Variants in TMIGD3 observed in about 807,000 individuals in gnomAD.
TMIGD3 encodes the protein transmembrane and immunoglobulin domain containing 3, also known as AD026 protein (AD026).
A neutral mutation model predicts 28.1 loss-of-function variants in TMIGD3; 21 were observed. That is an observed-to-expected ratio of 0.75 (90% CI 0.53 to 1.08). The LOEUF (loss-of-function observed/expected upper bound fraction) is 1.08. Among genes scored for constraint, TMIGD3 ranks in the 50% least tolerant of loss-of-function variants. The pLI, the probability that TMIGD3 is intolerant of heterozygous loss-of-function variation, is 0.00. For synonymous variants in TMIGD3, 151 were observed against 162.1 expected (o/e 0.93, Z 0.52); for missense variants, 416 against 435.6 (o/e 0.96, Z 0.40).
At chr1:111,488,026 A>G (rs1654468041) in intron 3 of TMIGD3, among the ~76,000 whole-genome samples, 1 of 152,012 alleles carries the variant, frequency 6.6e-6, no homozygotes, top group Non-Finnish European at 1.5e-5. Context: ...GCTGGTCTTA[A>G]ACTCCTGGGC....
At chr1:111,514,772 A>G (rs973709403) in intron 1 of TMIGD3, among the ~76,000 whole-genome samples, 11 of 152,112 alleles carry the variant, frequency 7.2e-5, no homozygotes, top group Non-Finnish European at 1.3e-4. Flanking sequence ...CAATAATGGT[A>G]ACACTCCAGG....
intron 1 of TMIGD3, among the ~76,000 whole-genome samples, chr1:111,512,154 C>G (rs746647059): frequency 1.8e-4 from 27 of 152,376 alleles, no homozygotes; most frequent in Non-Finnish European, 3.8e-4. Context: ...CATCACTGCA[C>G]TTGCCCTTTG....
At chr1:111,516,340 T>C (rs927331820) in intron 1 of TMIGD3, among the ~76,000 whole-genome samples, 3 of 152,178 alleles carry the variant, frequency 2.0e-5, no homozygotes, top group African/African-American at 7.2e-5. Context: ...CTGATGGTGA[T>C]GGCTCAGGGC....
chr1:111,518,329 T>A (rs2154024), intron 1 of TMIGD3, among the ~76,000 whole-genome samples: 38,432 of 152,150 alleles, frequency 0.25, 6,072 homozygotes, highest in Non-Finnish European at 0.35. Flanking sequence ...ACATTATCTC[T>A]AAACCAGGGT....
At chr1:111,485,956 G>T in intron 4 of TMIGD3, 116 bp from the exon 5 acceptor site, 1 of 702,694 alleles carries the variant, frequency 1.4e-6, no homozygotes, top group Non-Finnish European at 2.4e-6. Context: ...CCCAGTTACA[G>T]TAGCTTCTGG....
At chr1:111,497,744 T>C (rs1654961790) in intron 1 of TMIGD3, among the ~76,000 whole-genome samples, 2 of 152,288 alleles carry the variant, frequency 1.3e-5, no homozygotes, top group African/African-American at 4.8e-5. Flanking sequence ...AAGCTAAGGA[T>C]ACCAAATGAC....
intron 1 of TMIGD3, among the ~76,000 whole-genome samples, chr1:111,535,350 G>A (rs575597260): frequency 1.5e-4 from 23 of 152,250 alleles, no homozygotes; most frequent in Non-Finnish European, 3.1e-4. Context: ...ATACATATAC[G>A]TATCACTCTA....
At chr1:111,557,837 T>C (rs1657564783) in intron 1 of TMIGD3, among the ~76,000 whole-genome samples, 1 of 152,156 alleles carries the variant, frequency 6.6e-6, no homozygotes, top group Non-Finnish European at 1.5e-5. Flanking sequence ...AGTGACAGCA[T>C]AAAAATTGGG....
upstream of TMIGD3, among the ~76,000 whole-genome samples, chr1:111,506,437 T>C (rs1655491610): frequency 2.6e-5 from 4 of 152,212 alleles, no homozygotes; most frequent in Admixed American, 6.5e-5. Flanking sequence ...TCGAATGAAA[T>C]AGATACTACC....
At chr1:111,557,484 A>G (rs1214663010) in intron 1 of TMIGD3, among the ~76,000 whole-genome samples, 2 of 151,808 alleles carry the variant, frequency 1.3e-5, no homozygotes, top group Non-Finnish European at 2.9e-5. Flanking sequence ...CAGGAGGAGG[A>G]GGTTGCAGTG....
At chr1:111,559,979 G>T (rs1282242063) in intron 1 of TMIGD3, among the ~76,000 whole-genome samples, 1 of 152,182 alleles carries the variant, frequency 6.6e-6, no homozygotes, top group South Asian at 2.1e-4. Context: ...CACACTTCAA[G>T]ATCAAAGGTT....
At chr1:111,504,770 C>T, upstream of TMIGD3, 1 of 752,254 alleles carries the variant, frequency 1.3e-6, no homozygotes, top group Non-Finnish European at 1.6e-6. Context: ...CATCAGGGTC[C>T]TCTTGTTAGT....
At chr1:111,542,256 T>A in intron 1 of TMIGD3, 1 of 610,016 alleles carries the variant, frequency 1.6e-6, no homozygotes, top group Non-Finnish European at 3.0e-6. Flanking sequence ...CGGCACATAT[T>A]GAGGCCGTAT....
intron 1 of TMIGD3, chr1:111,499,897 T>C: frequency 6.3e-7 from 1 of 1,588,420 alleles, no homozygotes; most frequent in Non-Finnish European, 8.6e-7. Flanking sequence ...CCTCAAGTGT[T>C]TGTTGATGGG....
rs755983821 is a variant in TMIGD3, at chr1:111,488,716, C to T, written c.766G>A (p.Asp256Asn). The T allele has an allele frequency of 2.0e-5, 33 of 1,614,032 alleles. No individual in the cohort carries two copies. In the East Asian group the frequency reaches 6.2e-4, roughly 30 times the overall value. The change falls in exon 3 of 6, where the codon GAC (aspartate) becomes AAC (asparagine). Residue 256 changes from aspartate (D) to asparagine (N), a missense_variant. Asp to Asn is a conservative substitution (Grantham distance 23, BLOSUM62 1). Transcript: ENST00000369716. ...AAGTCATTGGCCAGGGTTCCTTTGT[C>T]GTCAGTTACAATCAGCTCTGTAAAA... Reference protein sequence around the residue: ...MDFTELIVTDDKGTLANDFWS... With the variant: ...MDFTELIVTDNKGTLANDFWS...
intron 1 of TMIGD3, among the ~76,000 whole-genome samples, chr1:111,520,725 G>C (rs1030148897): frequency 6.6e-6 from 1 of 152,196 alleles, no homozygotes; most frequent in African/African-American, 2.4e-5. Flanking sequence ...GTTAAATGGA[G>C]TGGAATGGAT....
At chr1:111,510,527 C>T (rs1655655046) in intron 1 of TMIGD3, among the ~76,000 whole-genome samples, 1 of 152,020 alleles carries the variant, frequency 6.6e-6, no homozygotes, top group Non-Finnish European at 1.5e-5. Flanking sequence ...AGCTTTGTCC[C>T]ATTCATTTGT....
intron 1 of TMIGD3, among the ~76,000 whole-genome samples, chr1:111,550,524 C>T (rs1657218014): frequency 6.6e-6 from 1 of 152,112 alleles, no homozygotes; most frequent in African/African-American, 2.4e-5. Context: ...ATACATTTTT[C>T]TATGTTATGT....
intron 1 of TMIGD3, among the ~76,000 whole-genome samples, chr1:111,502,146 A>T (rs1265964013): frequency 2.8e-4 from 10 of 35,338 alleles, no homozygotes; most frequent in East Asian, 5.4e-4. Context: ...TAATATAATA[A>T]ATATATAGGA....
Sources: gnomAD v4.1 joint callset for allele counts (sites outside exome capture counted in the v4.1 genomes callset) on GRCh38, gnomAD v4.1.1 for gene constraint, MANE v1.5 for transcripts, NCBI Gene and HGNC (gene_info 2026-07-23, HGNC 2026-07-21) for gene names.